Variants in EEPD1 observed in about 807,000 individuals in gnomAD.
The protein encoded by EEPD1 is endonuclease/exonuclease/phosphatase family domain-containing protein 1.
In EEPD1, 17 loss-of-function variants were observed where a neutral mutation model predicts 46.3. The ratio of observed to expected loss-of-function variants is 0.37; its 90% CI spans 0.25 to 0.55. EEPD1 has a LOEUF of 0.55. Ranked by LOEUF, EEPD1 falls within the 20% of genes least tolerant of loss-of-function variation. The pLI is 0.83. For missense variants in EEPD1, 673 were observed against 745.6 expected (o/e 0.90, Z 1.13); for synonymous variants, 313 against 315.6 (o/e 0.99, Z 0.09).
intron 2 of EEPD1, among the ~76,000 whole-genome samples, chr7:36,165,543 C>T (rs12701484): frequency 6.7e-6 from 1 of 148,926 alleles, no homozygotes; most frequent in Non-Finnish European, 1.5e-5. Context: ...CCTCAGCCTC[C>T]TGAGTAGCTG....
rs527717240 is a variant in EEPD1, at chr7:36,230,328, G to A, written c.879-8657G>A. ...TTTATTAGTTACTTTCTGTGCCCCC[G>A]GGCCTCTGCCACATCACTGCCCTAA... On this transcript the variant is annotated intron_variant, in intron 2 of 7. Transcript: ENST00000242108. Among the ~76,000 whole-genome samples the A allele has an allele frequency of 1.4e-4, 21 of 147,634 alleles. No individual in the cohort carries two copies. In the East Asian group the frequency reaches 3.3e-3, roughly 24 times the overall value.
intron 3 of EEPD1, among the ~76,000 whole-genome samples, chr7:36,274,324 C>A (rs1787153673): frequency 6.6e-6 from 1 of 152,212 alleles, no homozygotes; most frequent in Admixed American, 6.5e-5. Flanking sequence ...CACTAAGAAC[C>A]ATGAAGTCCC....
chr7:36,154,138 C>T lies in EEPD1; in HGVS notation c.-187C>T, dbSNP rs1583773760. 1.5e-6 allele frequency: 1 copy of T among 675,314 alleles called. No individual in the cohort carries two copies. The highest frequency in any genetic ancestry group is 2.8e-5 in the East Asian group (1 of 36,204). The allele number at this position is 675,314 out of a possible 1,614,324, so 41.8% of individuals were successfully genotyped here. A position where few individuals can be genotyped will look rare whatever the true frequency, so the allele number is the denominator to read the frequency against. ...TTTATTGATTTATTTTCTAGGCGGC[C>T]AAGTGAAAGGTAATTTTGGACACGC... On this transcript the variant is annotated 5_prime_UTR_variant, in exon 2 of 8. Coordinates refer to ENST00000242108, the MANE Select transcript of EEPD1 (RefSeq NM_030636.3). This position sits in a 1 kb window ranked among gnomAD's most constrained non-coding sequence, Gnocchi z 4.2.
chr7:36,292,193 C>G (rs1014468000), intron 6 of EEPD1, among the ~76,000 whole-genome samples: 1 of 152,130 alleles, frequency 6.6e-6, no homozygotes, highest in Non-Finnish European at 1.5e-5. Context: ...AATCCTGACA[C>G]CAACCTGGGA....
At chr7:36,170,391 AGAGT>A (rs1785057551) in intron 2 of EEPD1, among the ~76,000 whole-genome samples, 1 of 152,120 alleles carries the variant, frequency 6.6e-6, no homozygotes, top group Non-Finnish European at 1.5e-5. Context: ...CCTGGGTGAC[AGAGT>A]AAGACTCTGT....
Position 36,179,658 on chromosome 7 carries a change from G to A in EEPD1, c.878+24456G>A, listed in dbSNP as rs576431563. ...GGCAGATCATTTAGGCCAGGAGTTC[G>A]AGACCAGCCTGGCCAACATGGTAAA... On this transcript the variant is annotated intron_variant, in intron 2 of 7. Transcript: ENST00000242108. Among the ~76,000 whole-genome samples the A allele has an allele frequency of 2.9e-4, 41 of 140,436 alleles. 1 individual carries two copies. The highest frequency in any genetic ancestry group is 6.0e-4 in the Admixed American group (8 of 13,398). 92.1% of individuals were successfully genotyped at this position (140,436 alleles called of 152,430 possible).
At chr7:36,158,213 G>A (rs1241549721) in intron 2 of EEPD1, among the ~76,000 whole-genome samples, 2 of 152,142 alleles carry the variant, frequency 1.3e-5, no homozygotes, top group African/African-American at 2.4e-5. Context: ...CTGGGACTGC[G>A]ACCCAGACCT....
At chr7:36,220,060 C>G (rs538015944) in intron 2 of EEPD1, among the ~76,000 whole-genome samples, 1 of 152,006 alleles carries the variant, frequency 6.6e-6, no homozygotes, top group Non-Finnish European at 1.5e-5. Context: ...CCTCTGCTAC[C>G]AGGTGAGGTC....
intron 2 of EEPD1, among the ~76,000 whole-genome samples, chr7:36,191,739 A>G (rs1384919462): frequency 6.6e-6 from 1 of 152,238 alleles, no homozygotes; most frequent in African/African-American, 2.4e-5. Context: ...TTTGGACTAA[A>G]AACAAACGCA....
At chr7:36,187,022 A>G (rs938838082) in intron 2 of EEPD1, among the ~76,000 whole-genome samples, 11 of 150,668 alleles carry the variant, frequency 7.3e-5, no homozygotes, top group African/African-American at 2.4e-4. Flanking sequence ...GCTGTGGAGG[A>G]ACACAGGACC....
rs187113515 is a variant in EEPD1 at position 36,198,095 on chromosome 7, C to T, written c.879-40890C>T. The stretch of plus-strand genomic sequence containing the variant: ...ATTATTTTTCTTGCATTATATCTTT[C>T]AGATGTAAGAGTAAAGTGAAAGAGA... On this transcript the variant is annotated intron_variant, in intron 2 of 7. Coordinates refer to ENST00000242108, the MANE Select transcript of EEPD1 (RefSeq NM_030636.3). Among the ~76,000 whole-genome samples the T allele has an allele frequency of 8.6e-5, 13 of 151,656 alleles. No homozygotes were observed. In the East Asian group the frequency reaches 2.5e-3, roughly 29 times the overall value.
intron 3 of EEPD1, among the ~76,000 whole-genome samples, chr7:36,265,959 G>T (rs1356673817): frequency 6.6e-6 from 1 of 152,200 alleles, no homozygotes; most frequent in Non-Finnish European, 1.5e-5. Context: ...CAGCATTTCA[G>T]TAGGAAGTGC....
intron 5 of EEPD1, among the ~76,000 whole-genome samples, chr7:36,286,450 C>T (rs548808517): frequency 6.6e-6 from 1 of 152,356 alleles, no homozygotes; most frequent in African/African-American, 2.4e-5. Flanking sequence ...TATACCCCTT[C>T]CCTTCCTGGC....
intron 3 of EEPD1, among the ~76,000 whole-genome samples, chr7:36,242,458 A>C (rs1786569897): frequency 6.6e-6 from 1 of 152,170 alleles, no homozygotes; most frequent in Non-Finnish European, 1.5e-5. Context: ...TCATTCATTC[A>C]TTCATTCCCT....
At chr7:36,202,711 G>A (rs573008671) in intron 2 of EEPD1, among the ~76,000 whole-genome samples, 5 of 152,194 alleles carry the variant, frequency 3.3e-5, no homozygotes, top group South Asian at 4.2e-4. Context: ...TATGTTTCTC[G>A]TTGTTTAATC....
In EEPD1 at chr7:36,272,657, T is replaced by C. The variant is rs370124394; in HGVS notation, c.931-8458T>C. Among the ~76,000 whole-genome samples the C allele has an allele frequency of 4.6e-5, 7 of 152,316 alleles. No homozygotes were observed. In the East Asian group the frequency reaches 9.6e-4, roughly 21 times the overall value. On this transcript the variant is annotated intron_variant, in intron 3 of 7. Transcript: ENST00000242108. ...ACGTGGGTGTCACTTACCTTGGTTC[T>C]GTAAAAGCAGCTAATAATTAGCTGG...
chr7:36,296,240 T>C (rs1787522729), intron 6 of EEPD1, among the ~76,000 whole-genome samples: 1 of 152,012 alleles, frequency 6.6e-6, no homozygotes, highest in Non-Finnish European at 1.5e-5. Flanking sequence ...AATTTGACCC[T>C]CAAGCAGACA....
intron 3 of EEPD1, among the ~76,000 whole-genome samples, chr7:36,243,399 T>G (rs891298986): frequency 6.6e-6 from 1 of 152,148 alleles, no homozygotes; most frequent in Admixed American, 6.5e-5. Flanking sequence ...ACCTGCGTCT[T>G]CCTTTGATTA....
chr7:36,179,269 G>C (rs1583790379), intron 2 of EEPD1, among the ~76,000 whole-genome samples: 1 of 152,146 alleles, frequency 6.6e-6, no homozygotes, highest in East Asian at 1.9e-4. Context: ...TTGTGTGTAT[G>C]TTATCCCATC....
Sources: allele counts gnomAD v4.1 joint callset (sites outside exome capture counted in the v4.1 genomes callset), GRCh38; gene constraint gnomAD v4.1.1; non-coding constraint Gnocchi (gnomAD v3.1); transcripts MANE v1.5; gene names NCBI Gene and HGNC (gene_info 2026-07-23, HGNC 2026-07-21).